The following PTAR1 variants were observed in gnomAD, a reference collection of about 807,000 sequenced individuals.
PTAR1 encodes protein prenyltransferase alpha subunit repeat-containing protein 1.
Under a neutral mutation model 45.5 loss-of-function variants are expected in PTAR1, and 17 were observed. The ratio of observed to expected loss-of-function variants is 0.37; its 90% confidence interval spans 0.26 to 0.56. PTAR1 has a LOEUF of 0.56. Among genes scored for constraint, PTAR1 ranks in the 20% least tolerant of loss-of-function variants. The probability of loss-of-function intolerance (pLI) is 0.77; values close to 1 mark genes in which losing one functional copy is unlikely to be tolerated. For missense variants in PTAR1, 391 were observed against 476.3 expected (o/e 0.82, Z 1.67); for synonymous variants, 169 against 171.3 (o/e 0.99, Z 0.11).
Position 69,732,367 on chromosome 9 carries a change from T to C in PTAR1, c.429-15A>G, listed in dbSNP as rs375360477. 2 of 1,566,834 alleles carry C rather than the reference T, an allele frequency of 1.3e-6. No homozygotes were observed. Among genetic ancestry groups the C allele is most frequent in the Non-Finnish European group, 1.8e-6 (2 of 1,137,200 alleles). ...GCACCCATCGCCTGTTAAGGCAGCA[T>C]GTGGGAAAGAGAACACAGAAAGAAC... is the stretch of plus-strand genomic sequence containing the variant. On this transcript the variant is annotated splice_polypyrimidine_tract_variant and intron_variant, in intron 4 of 7. Coordinates refer to ENST00000340434, the MANE Select transcript of PTAR1 (RefSeq NM_001099666.2).
chr9:69,756,106 A>T (rs1826762840), intron 1 of PTAR1, among the ~76,000 whole-genome samples: 1 of 152,190 alleles, frequency 6.6e-6, no homozygotes. Flanking sequence ...AAAATCAGGT[A>T]TAAGAAGCCC....
At chr9:69,745,824 T>C (rs1001299003) in intron 2 of PTAR1, among the ~76,000 whole-genome samples, 2 of 152,340 alleles carry the variant, frequency 1.3e-5, no homozygotes, top group Non-Finnish European at 2.9e-5. Flanking sequence ...GTCTCTGACA[T>C]ACAGTAAGGA....
chr9:69,730,687 G>C (rs10511968), intron 5 of PTAR1, among the ~76,000 whole-genome samples: 62,247 of 149,102 alleles, frequency 0.42, 13,226 homozygotes, highest in East Asian at 0.51. Context: ...TGTAATTGTT[G>C]GTCTACTTTC....
chr9:69,753,971 T>C (rs748761728), intron 1 of PTAR1, among the ~76,000 whole-genome samples: 43 of 152,306 alleles, frequency 2.8e-4, no homozygotes, highest in Non-Finnish European at 4.0e-4. Context: ...GTAGAGTTCA[T>C]TGGTTAATAA....
At chr9:69,759,637 A>T (rs1046725738) in intron 1 of PTAR1, among the ~76,000 whole-genome samples, 1 of 152,142 alleles carries the variant, frequency 6.6e-6, no homozygotes, top group African/African-American at 2.4e-5. Flanking sequence ...TTTTGAGGTC[A>T]CTTCTAGGGA....
chr9:69,758,134 AG>A (rs1826875723), intron 1 of PTAR1: 2 of 152,232 alleles, frequency 1.3e-5, no homozygotes, highest in Non-Finnish European at 2.9e-5. Context: ...AAGTCCTTTA[AG>A]AGTTTCCATA....
intron 3 of PTAR1, among the ~76,000 whole-genome samples, chr9:69,737,621 T>C (rs969534676): frequency 3.2e-4 from 48 of 152,212 alleles, no homozygotes; most frequent in Non-Finnish European, 4.4e-5. Flanking sequence ...CTACTCTTTT[T>C]CTTTTCTCAA....
chr9:69,719,703 GT>G (rs1284739897), intron 6 of PTAR1, among the ~76,000 whole-genome samples: 6 of 152,070 alleles, frequency 3.9e-5, no homozygotes, highest in Admixed American at 3.9e-4. Context: ...TAAACTGAAG[GT>G]TTGGCAATCT....
Position 69,710,771 on chromosome 9 carries a change from ATAGT to A in PTAR1, c.*7567_*7570del, listed in dbSNP as rs1316318609. The A allele has an allele frequency of 1.3e-5, 2 of 152,174 alleles. No individual in the cohort carries two copies. Among genetic ancestry groups the A allele is most frequent in the Non-Finnish European group, 2.9e-5 (2 of 68,020 alleles). 9.4% of individuals were successfully genotyped at this position (152,174 alleles called of 1,614,324 possible). A position where few individuals can be genotyped will look rare whatever the true frequency, so the allele number is the denominator to read the frequency against. Reference sequence around the variant, plus strand: ...GAAGACCATTAGTCTCTTCAGTAAAATAGTTAGCCAAACTTATCTTTAATGGCCA... The same window carrying A: ...GAAGACCATTAGTCTCTTCAGTAAAATAGCCAAACTTATCTTTAATGGCCA... On this transcript the variant is annotated 3_prime_UTR_variant, in exon 8 of 8. Transcript: ENST00000340434.
chr9:69,757,167 A>G (rs1405746547), intron 1 of PTAR1: 2 of 152,216 alleles, frequency 1.3e-5, no homozygotes, highest in Non-Finnish European at 2.9e-5. Flanking sequence ...AACTTGCTGG[A>G]TAAGATTAAT....
intron 2 of PTAR1, among the ~76,000 whole-genome samples, chr9:69,742,237 G>C (rs1256637972): frequency 2.0e-5 from 3 of 151,914 alleles, no homozygotes; most frequent in Non-Finnish European, 4.4e-5. Flanking sequence ...CGGTGTGTGC[G>C]AATTTTCAAA....
At chr9:69,733,430 A>C (rs1013895484) in intron 4 of PTAR1, among the ~76,000 whole-genome samples, 3 of 152,116 alleles carry the variant, frequency 2.0e-5, no homozygotes, top group African/African-American at 7.2e-5. Flanking sequence ...TAAACTGAGA[A>C]TTTCAGAGTG....
At chr9:69,742,622 A>G (rs536639500) in intron 2 of PTAR1, among the ~76,000 whole-genome samples, 1 of 152,218 alleles carries the variant, frequency 6.6e-6, no homozygotes, top group African/African-American at 2.4e-5. Context: ...ACAACTTAAA[A>G]ATCAGTATGA....
intron 3 of PTAR1, chr9:69,741,424 A>G: frequency 6.1e-6 from 1 of 163,068 alleles, no homozygotes; most frequent in South Asian, 1.7e-4. Flanking sequence ...CATCCCATAC[A>G]CTTTCCACTA....
At chr9:69,742,578 G>A (rs753727843) in intron 2 of PTAR1, among the ~76,000 whole-genome samples, 3 of 151,828 alleles carry the variant, frequency 2.0e-5, no homozygotes, top group African/African-American at 4.8e-5. Flanking sequence ...ATTTTCTTGG[G>A]CTATATTTCC....
intron 5 of PTAR1, 85 bp from the exon 6 acceptor site, chr9:69,723,715 T>C: frequency 9.3e-7 from 1 of 1,077,252 alleles, no homozygotes; most frequent in East Asian, 2.4e-5. Flanking sequence ...TCTCTTTGAT[T>C]TGTTCCTTTT....
In PTAR1 at chr9:69,741,815, G is replaced by T; in HGVS notation, c.300C>A (p.Asp100Glu). 1 of 1,601,276 alleles carries T rather than the reference G, an allele frequency of 6.2e-7. No individual in the cohort carries two copies. Among genetic ancestry groups the T allele is most frequent in the Non-Finnish European group, 8.5e-7 (1 of 1,172,500 alleles). ...ACCTCACGTTCCATGCAGTGGTAAA[G>T]TCTGGGTTTAGAAGCAGCAGGGTAC... ...VTCTLLLLNP[D>E]FTTAWNVRKE... Residue 100 changes from aspartate to glutamate, a missense_variant, in exon 3 of 8, where the codon GAC becomes GAA. Asp to Glu is a conservative substitution (Grantham distance 45, BLOSUM62 2). Around this residue, in one of 5 missense-constraint regions of PTAR1, gnomAD observed 152 missense variants for 160.0 expected, o/e 0.95. Coordinates refer to ENST00000340434, the MANE Select transcript of PTAR1 (RefSeq NM_001099666.2).
chr9:69,726,816 T>C (rs1307587882), intron 5 of PTAR1, among the ~76,000 whole-genome samples: 1 of 152,068 alleles, frequency 6.6e-6, no homozygotes, highest in Non-Finnish European at 1.5e-5. Context: ...TTATTTTTCT[T>C]ACGAGTTTGT....
chr9:69,727,736 A>G (rs1380027575), intron 5 of PTAR1, among the ~76,000 whole-genome samples: 1 of 152,134 alleles, frequency 6.6e-6, no homozygotes, highest in Non-Finnish European at 1.5e-5. Context: ...ACTCTGTCTT[A>G]TTAATAAACA....
Sources: gnomAD v4.1 joint callset for allele counts (sites outside exome capture counted in the v4.1 genomes callset) on GRCh38, gnomAD v4.1.1 for gene constraint, gnomAD v4.1.1 regional missense constraint, MANE v1.5 for transcripts, NCBI Gene and HGNC (gene_info 2026-07-23, HGNC 2026-07-21) for gene names.